Variants in TBC1D19 observed in about 807,000 individuals in gnomAD.
TBC1D19 encodes the protein TBC1 domain family, member 19.
TBC1D19 carries 60 observed loss-of-function variants against 89.0 expected under a neutral mutation model. The observed-to-expected ratio is 0.67, with a 90% CI of 0.55 to 0.84. The LOEUF (loss-of-function observed/expected upper bound fraction) is 0.84, where lower values mean the gene tolerates loss of function less well. Ranked by LOEUF, TBC1D19 falls within the 40% of genes least tolerant of loss-of-function variation. The pLI is 0.00. For synonymous variants in TBC1D19, 189 were observed against 199.7 expected (o/e 0.95, Z 0.45); for missense variants, 500 against 610.8 (o/e 0.82, Z 1.91).
At chr4:26,804,198 T>G in the TBC1D19 span, among the ~76,000 whole-genome samples, 1 of 152,054 alleles carries the variant, frequency 6.6e-6, no homozygotes, top group African/African-American at 2.4e-5. Context: ...CAGGCAGGAG[T>G]GCAACGGTGG....
intron 1 of TBC1D19, among the ~76,000 whole-genome samples, chr4:26,597,012 G>A (rs974550019): frequency 2.0e-5 from 3 of 152,062 alleles, no homozygotes; most frequent in Non-Finnish European, 4.4e-5. Flanking sequence ...TGAATGTTCC[G>A]TGTGACCTCA....
intron 1 of TBC1D19, among the ~76,000 whole-genome samples, chr4:26,595,049 T>G (rs145433459): frequency 6.6e-6 from 1 of 152,342 alleles, no homozygotes; most frequent in African/African-American, 2.4e-5. Flanking sequence ...CCATTTTGCA[T>G]TCCCACCAGC....
intron 13 of TBC1D19, among the ~76,000 whole-genome samples, chr4:26,703,960 C>CAA (rs11453747): frequency 0.81 from 92,803 of 114,126 alleles, 40,829 homozygotes; most frequent in South Asian, 0.96. Context: ...GACTCCGTCT[C>CAA]AAAAAAAAAA....
intron 17 of TBC1D19, among the ~76,000 whole-genome samples, chr4:26,742,042 A>G (rs1041958828): frequency 6.6e-6 from 1 of 152,170 alleles, no homozygotes; most frequent in Non-Finnish European, 1.5e-5. Flanking sequence ...AGCAGGCAGT[A>G]TTTTCCCTAG....
the TBC1D19 span, among the ~76,000 whole-genome samples, chr4:26,779,727 A>T: frequency 1.3e-5 from 2 of 152,184 alleles, no homozygotes; most frequent in Non-Finnish European, 2.9e-5. Context: ...ATGGAACTTG[A>T]TTTGTTTTTC....
intron 7 of TBC1D19, among the ~76,000 whole-genome samples, chr4:26,653,408 G>A (rs1744548800): frequency 6.6e-6 from 1 of 152,018 alleles, no homozygotes; most frequent in African/African-American, 2.4e-5. Context: ...GCTGAGTTCA[G>A]TTCAATTCCT....
chr4:26,691,676 A>G (rs935678592), intron 13 of TBC1D19, among the ~76,000 whole-genome samples: 5 of 152,218 alleles, frequency 3.3e-5, no homozygotes, highest in African/African-American at 1.2e-4. Context: ...AGTGTAGTAT[A>G]AACATAGCTT....
chr4:26,741,390 T>G (rs967123211), intron 17 of TBC1D19, among the ~76,000 whole-genome samples: 18 of 147,658 alleles, frequency 1.2e-4, no homozygotes, highest in Non-Finnish European at 3.0e-5. Flanking sequence ...AAAAAAAGAT[T>G]AATAATTCTT....
At chr4:26,666,972 C>T (rs541861920) in intron 9 of TBC1D19, among the ~76,000 whole-genome samples, 30 of 151,944 alleles carry the variant, frequency 2.0e-4, no homozygotes, top group Admixed American at 1.4e-3. Context: ...GGAGACTATT[C>T]TAGTCTTTCC....
At chr4:26,710,769 T>A (rs1196877765) in intron 13 of TBC1D19, among the ~76,000 whole-genome samples, 2 of 152,372 alleles carry the variant, frequency 1.3e-5, no homozygotes, top group East Asian at 3.9e-4. Flanking sequence ...TTTGCATTTT[T>A]CTGATGGCAG....
the TBC1D19 span, among the ~76,000 whole-genome samples, chr4:26,822,058 G>A: frequency 1.2e-3 from 178 of 152,320 alleles, 1 homozygote; most frequent in Non-Finnish European, 1.6e-3. Context: ...TGTTGCCTGT[G>A]CAAAGCATTT....
chr4:26,638,770 G>A lies in TBC1D19; in HGVS notation c.370-1G>A. The A allele has an allele frequency of 6.2e-7, 1 of 1,606,826 alleles. No homozygotes were observed. The highest frequency in any genetic ancestry group is 8.5e-7 in the Non-Finnish European group (1 of 1,177,988). ...ACCAGTTTCAAAATTACCTTTTCCAGAGGCCAGTTGGAGAACAGAAAGAAC... is the reference window on the plus strand; with the variant it reads ...ACCAGTTTCAAAATTACCTTTTCCAAAGGCCAGTTGGAGAACAGAAAGAAC... On this transcript the variant is annotated splice_acceptor_variant, in intron 5 of 20. Coordinates refer to ENST00000264866, the MANE Select transcript of TBC1D19 (RefSeq NM_018317.4). LOFTEE classifies it high-confidence loss of function.
the TBC1D19 span, among the ~76,000 whole-genome samples, chr4:26,842,789 G>T: frequency 6.6e-6 from 1 of 151,876 alleles, no homozygotes; most frequent in East Asian, 1.9e-4. Context: ...GATTATAGGC[G>T]TGAGCCACAG....
intron 11 of TBC1D19, among the ~76,000 whole-genome samples, chr4:26,681,892 A>G (rs1713378535): frequency 6.6e-6 from 1 of 152,222 alleles, no homozygotes; most frequent in Non-Finnish European, 1.5e-5. Flanking sequence ...CAAACGCCCA[A>G]CTATGATTAC....
chr4:26,624,514 A>G (rs1367610590), intron 4 of TBC1D19, among the ~76,000 whole-genome samples: 1 of 151,962 alleles, frequency 6.6e-6, no homozygotes, highest in Non-Finnish European at 1.5e-5. Context: ...CCGGCCTATT[A>G]TAGTAATTTC....
the TBC1D19 span, chr4:26,858,157 C>T: frequency 6.6e-6 from 1 of 152,092 alleles, no homozygotes; most frequent in Non-Finnish European, 1.5e-5. Context: ...CCTGTCTGCA[C>T]GTAACACAGC....
chr4:26,618,658 T>C (rs1047622251), intron 3 of TBC1D19, among the ~76,000 whole-genome samples: 2 of 152,212 alleles, frequency 1.3e-5, no homozygotes. Flanking sequence ...ATATTGGTTA[T>C]CTACTGTGTA....
At chr4:26,804,240 G>A in the TBC1D19 span, among the ~76,000 whole-genome samples, 4 of 152,154 alleles carry the variant, frequency 2.6e-5, no homozygotes, top group East Asian at 5.8e-4. Flanking sequence ...CTGCCTCCCC[G>A]GTTCTAGCTA....
At chr4:26,837,921 A>AT in the TBC1D19 span, among the ~76,000 whole-genome samples, 464 of 152,272 alleles carry the variant, frequency 3.0e-3, no homozygotes, top group African/African-American at 0.011. Context: ...AAAATTGGAC[A>AT]TTTTTTCCCC....
Sources: allele counts gnomAD v4.1 joint callset (sites outside exome capture counted in the v4.1 genomes callset), GRCh38; gene constraint gnomAD v4.1.1; transcripts MANE v1.5; gene names NCBI Gene and HGNC (gene_info 2026-07-23, HGNC 2026-07-21).